The following GRM1 variants were observed in gnomAD, a reference collection of about 807,000 sequenced individuals.
The protein encoded by GRM1 is metabotropic glutamate receptor 1.
GRM1 carries 33 observed loss-of-function variants against 90.9 expected under a neutral mutation model. The ratio of observed to expected loss-of-function variants is 0.36; its 90% CI spans 0.28 to 0.49. The LOEUF (loss-of-function observed/expected upper bound fraction) is 0.49, where lower values mean the gene tolerates loss of function less well. Ranked by LOEUF, GRM1 falls within the 20% of genes least tolerant of loss-of-function variation. The pLI, the probability that GRM1 is intolerant of heterozygous loss-of-function variation, is 0.99. For synonymous variants in GRM1, 700 were observed against 613.2 expected (o/e 1.14, Z -2.09); for missense variants, 1,190 against 1,534.3 (o/e 0.78, Z 3.75).
At chr6:146,246,093 GGCTGTCTCTTTGT>G (rs1275850521) in intron 2 of GRM1, among the ~76,000 whole-genome samples, 1 of 152,030 alleles carries the variant, frequency 6.6e-6, no homozygotes, top group African/African-American at 2.4e-5. Flanking sequence ...AAATGAACAG[GGCTGTCTCTTTGT>G]GCTGTCTCTT....
rs1562494410 is a variant in GRM1, at chr6:146,150,933, T to TAC, written c.701-8415_701-8414insAC. Among the ~76,000 whole-genome samples, 446 of 127,086 alleles carry TAC rather than the reference T, an allele frequency of 3.5e-3. 1 individual carries two copies. The highest frequency in any genetic ancestry group is 0.015 in the African/African-American group (413 of 28,332). 83.4% of individuals were successfully genotyped at this position (127,086 alleles called of 152,430 possible). A position where few individuals can be genotyped will look rare whatever the true frequency, so the allele number is the denominator to read the frequency against. On this transcript the variant is annotated intron_variant, in intron 1 of 7. Transcript: ENST00000282753. The stretch of plus-strand genomic sequence containing the variant: ...TCCTGTATAAACACACACACGCGTG[T>TAC]GCGCGCACACACACACACACACACA...
intron 1 of GRM1, among the ~76,000 whole-genome samples, chr6:146,077,116 G>C (rs1776212935): frequency 6.6e-6 from 1 of 152,158 alleles, no homozygotes; most frequent in Non-Finnish European, 1.5e-5. Flanking sequence ...AATTAAATTT[G>C]TTATGGATTT....
chr6:146,241,953 G>T (rs1431737501), intron 2 of GRM1, among the ~76,000 whole-genome samples: 2 of 152,084 alleles, frequency 1.3e-5, no homozygotes, highest in Non-Finnish European at 2.9e-5. Context: ...GGAAGCCTTA[G>T]GCTTCTAAAA....
intron 5 of GRM1, among the ~76,000 whole-genome samples, chr6:146,368,564 C>T (rs949691742): frequency 5.3e-5 from 8 of 151,812 alleles, no homozygotes; most frequent in East Asian, 1.9e-4. Context: ...ACTAATTTGT[C>T]GAGAATTTTT....
chr6:146,329,488 G>C (rs1181521167), intron 3 of GRM1, among the ~76,000 whole-genome samples: 1 of 152,166 alleles, frequency 6.6e-6, no homozygotes, highest in Non-Finnish European at 1.5e-5. Context: ...TGTTGCGAGA[G>C]ATTGGATATC....
At chr6:146,406,890 G>T (rs943471040) in intron 7 of GRM1, among the ~76,000 whole-genome samples, 4 of 152,068 alleles carry the variant, frequency 2.6e-5, no homozygotes, top group Non-Finnish European at 5.9e-5. Flanking sequence ...AGAAGAAGAA[G>T]AAAGAAGGGT....
rs997516791 is a variant in GRM1 at position 146,355,769 on chromosome 6, A to T, written c.1434-1757A>T. ...CTCCTGGAGTGTTAGGCTGAGAGGGATTGTGAACATGAGTCAGTTTAGAGA... is the reference window on the plus strand; with the variant it reads ...CTCCTGGAGTGTTAGGCTGAGAGGGTTTGTGAACATGAGTCAGTTTAGAGA... On this transcript the variant is annotated intron_variant, in intron 4 of 7. Coordinates refer to ENST00000282753, the MANE Select transcript of GRM1 (RefSeq NM_001278064.2). Among the ~76,000 whole-genome samples the T allele has an allele frequency of 2.0e-5, 3 of 152,164 alleles. No individual in the cohort carries two copies. In the East Asian group the frequency reaches 5.8e-4, roughly 29 times the overall value.
intron 2 of GRM1, among the ~76,000 whole-genome samples, chr6:146,169,465 G>A (rs530847852): frequency 2.0e-5 from 3 of 152,224 alleles, no homozygotes; most frequent in South Asian, 4.1e-4. Context: ...GTTTTCCAGT[G>A]AGTCTTTCTC....
chr6:146,210,335 T>C (rs549318363), intron 2 of GRM1, among the ~76,000 whole-genome samples: 1 of 152,326 alleles, frequency 6.6e-6, no homozygotes, highest in Non-Finnish European at 1.5e-5. Context: ...ACAATGTTAC[T>C]GTAGTATTAA....
chr6:146,182,689 T>C lies in GRM1; in HGVS notation c.950+23092T>C, dbSNP rs188032952. On this transcript the variant is annotated intron_variant, in intron 2 of 7. Coordinates refer to ENST00000282753, the MANE Select transcript of GRM1 (RefSeq NM_001278064.2). The stretch of plus-strand genomic sequence containing the variant: ...CTACCTCCATCACTGCAGATTTGAA[T>C]ACAAGTTATTGTTGTATTTTTTTTC... 1.5e-4 allele frequency among the ~76,000 whole-genome samples: 23 copies of C among 152,256 alleles called. No homozygotes were observed. In the East Asian group the frequency reaches 4.2e-3, roughly 28 times the overall value.
chr6:146,143,881 T>C (rs796739769), intron 1 of GRM1, among the ~76,000 whole-genome samples: 10 of 152,322 alleles, frequency 6.6e-5, no homozygotes, highest in African/African-American at 2.4e-4. Context: ...ACAAACCCTG[T>C]ATTTTGAACA....
intron 1 of GRM1, among the ~76,000 whole-genome samples, chr6:146,087,999 T>A (rs2128866303): frequency 6.6e-6 from 1 of 152,324 alleles, no homozygotes; most frequent in African/African-American, 2.4e-5. Context: ...TATGTTTAGC[T>A]TTTTAAAGAA....
chr6:146,414,448 C>T (rs1417574516), intron 7 of GRM1, among the ~76,000 whole-genome samples: 1 of 151,204 alleles, frequency 6.6e-6, no homozygotes, highest in Non-Finnish European at 1.5e-5. Context: ...CTGTCGTCCA[C>T]GCTGGAGTGG....
At position 146,278,888 on chromosome 6, in the gene GRM1, G is replaced by A. The variant is rs1782467884; in HGVS notation, c.951-25723G>A. Among the ~76,000 whole-genome samples, 6 of 152,252 alleles carry A rather than the reference G, an allele frequency of 3.9e-5. No homozygotes were observed. In the South Asian group the frequency reaches 1.0e-3, roughly 26 times the overall value. On this transcript the variant is annotated intron_variant, in intron 2 of 7. Coordinates refer to ENST00000282753, the MANE Select transcript of GRM1 (RefSeq NM_001278064.2). Reference sequence around the variant, plus strand: ...GCCCGGCTAATTTTTTGTATTTTTAGTAGAGTCGGGGTTTCACCGTGTTAG... The same window carrying A: ...GCCCGGCTAATTTTTTGTATTTTTAATAGAGTCGGGGTTTCACCGTGTTAG...
intron 3 of GRM1, among the ~76,000 whole-genome samples, chr6:146,325,476 C>T (rs1157317472): frequency 2.6e-5 from 4 of 152,184 alleles, no homozygotes; most frequent in African/African-American, 7.2e-5. Context: ...CACCTCAAGT[C>T]CATATTTCAT....
intron 2 of GRM1, among the ~76,000 whole-genome samples, chr6:146,207,697 T>C (rs1412248511): frequency 6.6e-6 from 1 of 152,160 alleles, no homozygotes; most frequent in Non-Finnish European, 1.5e-5. Flanking sequence ...AATAGGCAAC[T>C]AAAAGTATAG....
chr6:146,234,195 A>AT (rs1368912929), intron 2 of GRM1, among the ~76,000 whole-genome samples: 4 of 151,332 alleles, frequency 2.6e-5, no homozygotes, highest in East Asian at 3.9e-4. Context: ...TTAACTTTTT[A>AT]TTTTTTTTAC....
At chr6:146,351,244 C>T (rs1395870808) in intron 3 of GRM1, among the ~76,000 whole-genome samples, 1 of 152,134 alleles carries the variant, frequency 6.6e-6, no homozygotes, top group Non-Finnish European at 1.5e-5. Context: ...GCTGACTTTC[C>T]CACCTTCTAG....
At chr6:146,391,477 G>T (rs1252346838) in intron 6 of GRM1, among the ~76,000 whole-genome samples, 1 of 152,012 alleles carries the variant, frequency 6.6e-6, no homozygotes, top group Admixed American at 6.6e-5. Flanking sequence ...TTAGGTGGAC[G>T]CTACTCACCA....
Sources: allele counts gnomAD v4.1 joint callset (sites outside exome capture counted in the v4.1 genomes callset), GRCh38; gene constraint gnomAD v4.1.1; transcripts MANE v1.5; gene names NCBI Gene and HGNC (gene_info 2026-07-23, HGNC 2026-07-21).